Variants in SIPA1L3 observed in about 807,000 individuals in gnomAD.
SIPA1L3 encodes the protein signal-induced proliferation-associated 1-like protein 3.
Under a neutral mutation model 150.1 loss-of-function variants are expected in SIPA1L3, and 59 were observed. That is an observed-to-expected ratio of 0.39 (90% confidence interval 0.32 to 0.49). The LOEUF is 0.49. SIPA1L3 is among the 20% of genes least tolerant of loss of function. SIPA1L3 has a pLI of 0.86. For missense variants in SIPA1L3, 2,211 were observed against 2,489.5 expected (o/e 0.89, Z 2.38); for synonymous variants, 1,070 against 1,077.6 (o/e 0.99, Z 0.14).
rs186033324 is a variant in SIPA1L3 at position 37,957,241 on chromosome 19, A to G, written c.-379+49883A>G. 4.7e-4 allele frequency among the ~76,000 whole-genome samples: 72 copies of G among 152,282 alleles called. 1 individual carries two copies. The Middle Eastern group carries it at 0.01, about 22-fold the overall frequency. ...AGTCCTCACCTTGTTTTGTTTTCCA[A>G]AATTGTTTTGGCTTGTGTGGGTCCT... On this transcript the variant is annotated intron_variant, in intron 1 of 21. Transcript: ENST00000222345.
chr19:38,185,666 G>A (rs557733640), intron 16 of SIPA1L3: 1 of 152,280 alleles, frequency 6.6e-6, no homozygotes, highest in Admixed American at 6.5e-5. Context: ...AGCAGCCGGT[G>A]GGTGTCAGCA....
In SIPA1L3 at chr19:38,193,382, G is replaced by A. The variant is rs532857298; in HGVS notation, c.4597-155G>A. On this transcript the variant is annotated intron_variant, in intron 17 of 21. Transcript: ENST00000222345. ...AAGGAAGGAGGGAGGGGGGAGGGAG[G>A]AAGGGAGGGAGGGAGGAAGGAAGGA... 4.6e-3 allele frequency among the ~76,000 whole-genome samples: 585 copies of A among 127,658 alleles called. 6 individuals carry two copies. Among genetic ancestry groups the A allele is most frequent in the African/African-American group, 0.016 (544 of 34,968 alleles). The allele number at this position is 127,658 out of a possible 152,430, so 83.7% of individuals were successfully genotyped here.
In SIPA1L3 at chr19:37,931,553, C is replaced by T. The variant is rs1281346884; in HGVS notation, c.-379+24195C>T. On this transcript the variant is annotated intron_variant, in intron 1 of 21. Coordinates refer to ENST00000222345, the MANE Select transcript of SIPA1L3 (RefSeq NM_015073.3). Reference sequence around the variant, plus strand: ...CCTGAGGTTGAGAGTTCAAGACCAGCGTGGCTAACATGTTGAAACTCCGTC... The same window carrying T: ...CCTGAGGTTGAGAGTTCAAGACCAGTGTGGCTAACATGTTGAAACTCCGTC... Among the ~76,000 whole-genome samples the T allele has an allele frequency of 7.3e-5, 11 of 151,620 alleles. No homozygotes were observed. In the South Asian group the frequency reaches 8.3e-4, roughly 11 times the overall value.
chr19:38,117,573 T>G (rs987726962), intron 8 of SIPA1L3, among the ~76,000 whole-genome samples: 9 of 151,600 alleles, frequency 5.9e-5, no homozygotes, highest in Admixed American at 2.0e-4. Flanking sequence ...GAGCCGAGAT[T>G]GTGCCATTGT....
At chr19:37,966,003 T>G (rs2046900923) in intron 1 of SIPA1L3, among the ~76,000 whole-genome samples, 1 of 152,206 alleles carries the variant, frequency 6.6e-6, no homozygotes, top group African/African-American at 2.4e-5. Flanking sequence ...CACATTATTT[T>G]GCACGGCCAA....
chr19:38,133,595 G>A (rs1971365534), intron 10 of SIPA1L3, among the ~76,000 whole-genome samples: 1 of 152,112 alleles, frequency 6.6e-6, no homozygotes. Context: ...ATGGGTCAGG[G>A]GAGACAAACA....
intron 1 of SIPA1L3, among the ~76,000 whole-genome samples, chr19:37,927,788 C>T (rs2046519680): frequency 6.6e-6 from 1 of 151,688 alleles, no homozygotes; most frequent in African/African-American, 2.4e-5. Flanking sequence ...GAAGTAAGAA[C>T]ATTGGATATT....
intron 1 of SIPA1L3, among the ~76,000 whole-genome samples, chr19:37,939,027 G>A (rs184005746): frequency 3.3e-5 from 5 of 152,096 alleles, no homozygotes; most frequent in African/African-American, 4.8e-5. Context: ...TATGATCCTC[G>A]GGTCATCCTT....
intron 9 of SIPA1L3, among the ~76,000 whole-genome samples, chr19:38,128,128 C>T (rs1171585053): frequency 4.9e-5 from 7 of 142,720 alleles, no homozygotes; most frequent in Non-Finnish European, 1.1e-4. Context: ...GATCTCGGCT[C>T]ACTGCAACCT....
intron 16 of SIPA1L3, chr19:38,186,124 A>G (rs1216057627): frequency 1.3e-5 from 2 of 152,210 alleles, no homozygotes; most frequent in African/African-American, 4.8e-5. Context: ...AGGTGCTCAG[A>G]AGATGTACCT....
intron 15 of SIPA1L3, among the ~76,000 whole-genome samples, chr19:38,165,670 C>T (rs1350606975): frequency 1.3e-5 from 2 of 152,212 alleles, no homozygotes; most frequent in Non-Finnish European, 2.9e-5. Context: ...CCCACAGAAG[C>T]CCTCAAAGGC....
chr19:37,971,461 T>TCAG (rs1966933902), intron 1 of SIPA1L3, among the ~76,000 whole-genome samples: 1 of 152,188 alleles, frequency 6.6e-6, no homozygotes, highest in Non-Finnish European at 1.5e-5. Flanking sequence ...CACTAATCTT[T>TCAG]CTGTCTCTAT....
intron 12 of SIPA1L3, among the ~76,000 whole-genome samples, chr19:38,150,857 A>G (rs1971805795): frequency 1.3e-5 from 2 of 152,148 alleles, no homozygotes; most frequent in South Asian, 4.1e-4. Context: ...AACATTATTA[A>G]TGGAGGCTCA....
At chr19:37,990,025 C>T (rs1002126195) in intron 1 of SIPA1L3, among the ~76,000 whole-genome samples, 1 of 152,058 alleles carries the variant, frequency 6.6e-6, no homozygotes, top group African/African-American at 2.4e-5. Flanking sequence ...TTTTGTTTGG[C>T]CCTCATGCAT....
intron 18 of SIPA1L3, among the ~76,000 whole-genome samples, chr19:38,197,496 A>T (rs757120039): frequency 6.7e-6 from 1 of 150,368 alleles, no homozygotes; most frequent in South Asian, 2.1e-4. Context: ...CGGCAACCCC[A>T]CCCCGTGTAA....
chr19:38,129,549 C>T (rs574847338), intron 9 of SIPA1L3, among the ~76,000 whole-genome samples: 8 of 150,962 alleles, frequency 5.3e-5, no homozygotes, highest in Non-Finnish European at 8.8e-5. Context: ...TGCTTGAACC[C>T]GGGAGGCGGA....
At chr19:37,917,429 A>G (rs114065650) in intron 1 of SIPA1L3, among the ~76,000 whole-genome samples, 139 of 152,254 alleles carry the variant, frequency 9.1e-4, no homozygotes, top group African/African-American at 3.0e-3. Context: ...CTGTCCATCA[A>G]ACTTGCTGTA....
chr19:38,141,412 GT>G lies in SIPA1L3; in HGVS notation c.3373del (p.Ser1125ProfsTer46). 6.2e-7 allele frequency: 1 copy of G among 1,610,928 alleles called. No individual in the cohort carries two copies. Among genetic ancestry groups the G allele is most frequent in the Non-Finnish European group, 8.5e-7 (1 of 1,179,902 alleles). ...KQTPIVPFRE[S>X]QPLHSKRPVS... is the part of the protein sequence containing the mutation. Reference sequence around the variant, plus strand: ...AGACCCCCATAGTCCCCTTCCGGGAGTCCCAGCCACTGCACAGCAAGAGGTA... The same window carrying G: ...AGACCCCCATAGTCCCCTTCCGGGAGCCCAGCCACTGCACAGCAAGAGGTA... On this transcript the variant is annotated frameshift_variant, in exon 11 of 22. Coordinates refer to ENST00000222345, the MANE Select transcript of SIPA1L3 (RefSeq NM_015073.3). LOFTEE classifies it high-confidence loss of function.
chr19:38,193,545 G>A lies in SIPA1L3; in HGVS notation c.4605G>A (p.Pro1535=), dbSNP rs780241633. 2.1e-5 allele frequency: 32 copies of A among 1,496,856 alleles called. No homozygotes were observed. In the Admixed American group the frequency reaches 3.1e-4, roughly 15 times the overall value. The allele number at this position is 1,496,856 out of a possible 1,614,324, so 92.7% of individuals were successfully genotyped here. Residue 1535 remains proline (P), a synonymous_variant, in exon 18 of 22, where the codon CCG becomes CCA. Transcript: ENST00000222345. ...PEQERDTGQS[P]QKGLQRTLSD... ...CCACCCACGCCCCACAGCAGTCACCGCAGAAGGGCCTGCAGCGGACGCTGT... is the reference window on the plus strand; with the variant it reads ...CCACCCACGCCCCACAGCAGTCACCACAGAAGGGCCTGCAGCGGACGCTGT...
Sources: allele counts gnomAD v4.1 joint callset (sites outside exome capture counted in the v4.1 genomes callset), GRCh38; gene constraint gnomAD v4.1.1; transcripts MANE v1.5; gene names NCBI Gene and HGNC (gene_info 2026-07-23, HGNC 2026-07-21).